ERBB4: variants seen among roughly 807,000 people sequenced by gnomAD.
ERBB4 encodes the protein receptor tyrosine-protein kinase erbB-4.
ERBB4 carries 42 observed loss-of-function variants against 158.0 expected under a neutral mutation model. That is an observed-to-expected ratio of 0.27 (90% CI 0.21 to 0.34). The LOEUF (loss-of-function observed/expected upper bound fraction) is 0.34. ERBB4 is among the 10% of genes least tolerant of loss of function. The pLI, the probability that ERBB4 is intolerant of heterozygous loss-of-function variation, is 1.00. For synonymous variants in ERBB4, 583 were observed against 558.7 expected, an observed-to-expected ratio of 1.04 and a Z score of -0.61; for missense variants, 1,333 against 1,624.1, an observed-to-expected ratio of 0.82 and a Z score of 3.08.
intron 1 of ERBB4, among the ~76,000 whole-genome samples, chr2:212,175,607 A>ATT (rs772882128): frequency 4.8e-4 from 64 of 134,188 alleles, no homozygotes; most frequent in Non-Finnish European, 3.9e-4. Context: ...CAGAATATGT[A>ATT]TTTTTTTTTT....
chr2:211,596,818 G>A (rs1480197636), intron 19 of ERBB4, among the ~76,000 whole-genome samples: 2 of 151,618 alleles, frequency 1.3e-5, no homozygotes, highest in Admixed American at 1.3e-4. Flanking sequence ...AGCTTGGAGT[G>A]CAATGGCACG....
intron 12 of ERBB4, among the ~76,000 whole-genome samples, chr2:211,698,610 A>G (rs1485720228): frequency 6.6e-6 from 1 of 151,954 alleles, no homozygotes; most frequent in African/African-American, 2.4e-5. Flanking sequence ...AAATAAAAAT[A>G]TTTTTATTTT....
chr2:211,917,061 G>A (rs929742750), intron 3 of ERBB4, among the ~76,000 whole-genome samples: 4 of 152,108 alleles, frequency 2.6e-5, no homozygotes, highest in East Asian at 1.9e-4. Context: ...AGGCAAGGTG[G>A]CCACGGCTGA....
chr2:211,637,880 A>T (rs1273625955), intron 16 of ERBB4, among the ~76,000 whole-genome samples: 1 of 151,960 alleles, frequency 6.6e-6, no homozygotes, highest in African/African-American at 2.4e-5. Context: ...TGATATATTT[A>T]CACAAATATC....
intron 5 of ERBB4, among the ~76,000 whole-genome samples, chr2:211,748,449 G>A (rs1383577891): frequency 2.0e-5 from 3 of 152,160 alleles, no homozygotes; most frequent in African/African-American, 7.2e-5. Context: ...AAGTAATTTT[G>A]TTCTGGGATC....
At position 211,665,349 on chromosome 2, in the gene ERBB4, G is replaced by A. The variant is rs2105918647; in HGVS notation, c.1845C>T (p.His615=). The A allele has an allele frequency of 6.2e-7, 1 of 1,614,124 alleles. No homozygotes were observed. Among genetic ancestry groups the A allele is most frequent in the Non-Finnish European group, 8.5e-7 (1 of 1,180,022 alleles). Residue 615 remains histidine (H), a synonymous_variant, in exon 15 of 28, where the codon CAC becomes CAT. Coordinates refer to ENST00000342788, the MANE Select transcript of ERBB4 (RefSeq NM_005235.3). ...FKYADPDREC[H]PCHPNCTQGC... The stretch of plus-strand genomic sequence containing the variant: ...CTTGGGTGCAGTTTGGATGGCATGG[G>A]TGGCACTCCCGATCTGGATCAGCAT...
chr2:211,775,421 C>T (rs941381508), intron 4 of ERBB4, among the ~76,000 whole-genome samples: 3 of 152,098 alleles, frequency 2.0e-5, no homozygotes, highest in Admixed American at 6.5e-5. Context: ...GTCTATTGCA[C>T]CAAGGTAAAA....
chr2:211,576,538 T>C lies in ERBB4; in HGVS notation c.2302-14450A>G, dbSNP rs535237169. 2.6e-5 allele frequency among the ~76,000 whole-genome samples: 4 copies of C among 152,284 alleles called. No homozygotes were observed. In the South Asian group the frequency reaches 8.3e-4, roughly 32 times the overall value. On this transcript the variant is annotated intron_variant, in intron 19 of 27. Transcript: ENST00000342788. Reference sequence around the variant, plus strand: ...GTATGTTACCTTATTAATAACTGTATTGACTTTGGGAATGTTTGCAGGAAA... The same window carrying C: ...GTATGTTACCTTATTAATAACTGTACTGACTTTGGGAATGTTTGCAGGAAA...
chr2:212,256,019 G>T (rs560687218), intron 1 of ERBB4, among the ~76,000 whole-genome samples: 7 of 128,388 alleles, frequency 5.5e-5, no homozygotes, highest in African/African-American at 1.1e-4. Context: ...TTTACAAATG[G>T]GGGGGGGTCT....
rs1456545777 is a variant in ERBB4, at chr2:211,376,823, C to A, written c.*6792G>T. 1 of 232,858 alleles carries A rather than the reference C, an allele frequency of 4.3e-6. No individual in the cohort carries two copies. The highest frequency in any genetic ancestry group is 6.0e-5 in the East Asian group (1 of 16,546). The allele number at this position is 232,858 out of a possible 1,614,324, so 14.4% of individuals were successfully genotyped here. A position where few individuals can be genotyped will look rare whatever the true frequency, so the allele number is the denominator to read the frequency against. On this transcript the variant is annotated 3_prime_UTR_variant, in exon 28 of 28. Coordinates refer to ENST00000342788, the MANE Select transcript of ERBB4 (RefSeq NM_005235.3). ...AGAAAGAGATGAACTAGTCATACAC[C>A]ATGGGAAAATGCGGTTTCAGCATGC...
intron 19 of ERBB4, among the ~76,000 whole-genome samples, chr2:211,599,108 C>T (rs75248592): frequency 0.012 from 1,764 of 152,310 alleles, 18 homozygotes; most frequent in Middle Eastern, 0.041. Flanking sequence ...TTAGAATAAT[C>T]TCTTGAGCAG....
chr2:211,425,164 G>C (rs1424359504), intron 22 of ERBB4, among the ~76,000 whole-genome samples: 2 of 152,014 alleles, frequency 1.3e-5, no homozygotes, highest in Admixed American at 6.6e-5. Flanking sequence ...GACATGGCTA[G>C]CTGGGCACAA....
At chr2:212,339,231 T>G (rs2088590028) in intron 1 of ERBB4, among the ~76,000 whole-genome samples, 1 of 152,174 alleles carries the variant, frequency 6.6e-6, no homozygotes, top group Non-Finnish European at 1.5e-5. Flanking sequence ...TTCTCATTGT[T>G]CAGCTCCCAC....
intron 1 of ERBB4, among the ~76,000 whole-genome samples, chr2:212,155,607 T>C (rs77867484): frequency 1.3e-5 from 2 of 152,022 alleles, no homozygotes; most frequent in East Asian, 3.9e-4. Context: ...AAGCGAGAGG[T>C]TCTTAAACGG....
intron 5 of ERBB4, among the ~76,000 whole-genome samples, chr2:211,739,503 C>T (rs2074718371): frequency 6.6e-6 from 1 of 152,116 alleles, no homozygotes; most frequent in Non-Finnish European, 1.5e-5. Context: ...CTCGCTCTGT[C>T]ACCAGGCTGG....
At chr2:211,601,428 TAA>T (rs1323072475) in intron 19 of ERBB4, among the ~76,000 whole-genome samples, 1 of 151,522 alleles carries the variant, frequency 6.6e-6, no homozygotes, top group African/African-American at 2.4e-5. Context: ...CTGAAAGACA[TAA>T]GTTTCCGGAT....
intron 3 of ERBB4, among the ~76,000 whole-genome samples, chr2:211,833,398 AG>A (rs1264844222): frequency 1.3e-5 from 2 of 152,208 alleles, no homozygotes; most frequent in South Asian, 4.1e-4. Flanking sequence ...TTCTTCATCC[AG>A]TAGAGGAAAC....
At chr2:212,412,290 G>T (rs2091521679) in intron 1 of ERBB4, among the ~76,000 whole-genome samples, 1 of 152,170 alleles carries the variant, frequency 6.6e-6, no homozygotes, top group African/African-American at 2.4e-5. Context: ...ATGTTGAAAG[G>T]TAATTTCCTG....
intron 20 of ERBB4, among the ~76,000 whole-genome samples, chr2:211,462,321 T>G (rs565309227): frequency 1.1e-4 from 16 of 152,186 alleles, no homozygotes; most frequent in African/African-American, 3.9e-4. Flanking sequence ...CAGGCCCCAC[T>G]TCCAACATTG....
Sources: gnomAD v4.1 joint callset for allele counts (sites outside exome capture counted in the v4.1 genomes callset) on GRCh38, gnomAD v4.1.1 for gene constraint, MANE v1.5 for transcripts, NCBI Gene and HGNC (gene_info 2026-07-23, HGNC 2026-07-21) for gene names.